Variants in NDUFAB1 observed in about 807,000 individuals in gnomAD.
NDUFAB1 encodes NADH:ubiquinone oxidoreductase subunit AB1, also known as acyl carrier protein, mitochondrial.
NDUFAB1 carries 5 observed loss-of-function variants against 16.1 expected under a neutral mutation model. That is an observed-to-expected ratio of 0.31 (90% CI 0.16 to 0.65). The LOEUF is 0.65. NDUFAB1 is among the 30% of genes least tolerant of loss of function. The pLI is 0.77. For missense variants in NDUFAB1, 187 were observed against 205.3 expected (o/e 0.91, Z 0.54); for synonymous variants, 85 against 78.4 (o/e 1.08, Z -0.44).
intron 3 of NDUFAB1, among the ~76,000 whole-genome samples, chr16:23,583,079 G>A (rs201114259): frequency 6.2e-3 from 744 of 119,098 alleles, no homozygotes; most frequent in South Asian, 9.2e-3. Flanking sequence ...TCGGCCTCCC[G>A]AGGTGCCGGG....
chr16:23,590,111 C>T (rs560159734), intron 1 of NDUFAB1, among the ~76,000 whole-genome samples: 30 of 152,192 alleles, frequency 2.0e-4, no homozygotes, highest in African/African-American at 6.3e-4. Context: ...ATTCTATGTT[C>T]GTACACAACT....
At chr16:23,590,136 C>A (rs1966267002) in intron 1 of NDUFAB1, among the ~76,000 whole-genome samples, 1 of 152,110 alleles carries the variant, frequency 6.6e-6, no homozygotes, top group African/African-American at 2.4e-5. Flanking sequence ...ATGAGGCCAA[C>A]TAGGTTGTCA....
At chr16:23,595,166 T>C (rs1202080642) in intron 1 of NDUFAB1, among the ~76,000 whole-genome samples, 1 of 151,970 alleles carries the variant, frequency 6.6e-6, no homozygotes, top group Non-Finnish European at 1.5e-5. Context: ...GGAGGAGAAT[T>C]GCTTGAACCT....
At chr16:23,584,100 A>G (rs1280317706) in intron 3 of NDUFAB1, among the ~76,000 whole-genome samples, 1 of 151,288 alleles carries the variant, frequency 6.6e-6, no homozygotes, top group East Asian at 1.9e-4. Flanking sequence ...AATCTCAAGT[A>G]CCCAGGGACA....
Position 23,584,390 on chromosome 16 carries a change from C to T in NDUFAB1, c.379+946G>A, listed in dbSNP as rs181178908. On this transcript the variant is annotated intron_variant, in intron 3 of 4. Coordinates refer to ENST00000007516, the MANE Select transcript of NDUFAB1 (RefSeq NM_005003.3). ...GACATTTCATGTAAATGGTATATAA[C>T]GTGTCATCTTCTGTGTCTGGCTTCT... is the stretch of plus-strand genomic sequence containing the variant. Among the ~76,000 whole-genome samples, 9 of 151,320 alleles carry T rather than the reference C, an allele frequency of 5.9e-5. No individual in the cohort carries two copies. The East Asian group carries it at 1.4e-3, about 23-fold the overall frequency.
chr16:23,596,175 G>A lies in NDUFAB1; in HGVS notation c.116C>T (p.Ala39Val). The change falls in exon 1 of 5, where the codon GCG becomes GTG. Residue 39 changes from alanine (A) to valine (V), a missense_variant. Physicochemically the swap from Ala to Val is moderately conservative, Grantham distance 64. Coordinates refer to ENST00000007516, the MANE Select transcript of NDUFAB1 (RefSeq NM_005003.3). ...AGTCCCGAGCCTCGTCTGGGTCCCCGCGGAGCAGAGAGCGGTGCTGAGAGG... is the reference window on the plus strand; with the variant it reads ...AGTCCCGAGCCTCGTCTGGGTCCCCACGGAGCAGAGAGCGGTGCTGAGAGG... The part of the protein sequence containing the change: ...ARPLSTALCS[A>V]GTQTRLGTLQ... The A allele has an allele frequency of 1.9e-6, 3 of 1,611,078 alleles. No homozygotes were observed. The highest frequency in any genetic ancestry group is 2.5e-6 in the Non-Finnish European group (3 of 1,178,954).
At chr16:23,592,545 G>A (rs938948438) in intron 1 of NDUFAB1, among the ~76,000 whole-genome samples, 3 of 151,898 alleles carry the variant, frequency 2.0e-5, no homozygotes, top group African/African-American at 7.3e-5. Context: ...GCTTTTTTTT[G>A]TACAAGTGCT....
rs1358668654 is a variant in NDUFAB1 at position 23,583,587 on chromosome 16, C to A, written c.380-1212G>T. Among the ~76,000 whole-genome samples, 20 of 117,348 alleles carry A rather than the reference C, an allele frequency of 1.7e-4. 3 individuals are homozygous for A. The highest frequency in any genetic ancestry group is 7.2e-4 in the African/African-American group (20 of 27,900). 77.0% of individuals were successfully genotyped at this position (117,348 alleles called of 152,430 possible). On this transcript the variant is annotated intron_variant, in intron 3 of 4. Coordinates refer to ENST00000007516, the MANE Select transcript of NDUFAB1 (RefSeq NM_005003.3). Reference sequence around the variant, plus strand: ...AGGAGCGTCTCTGCCCGGCTGCCCCCTCTGAGAAGTGAGGAGCCCCTCCGC... The same window carrying A: ...AGGAGCGTCTCTGCCCGGCTGCCCCATCTGAGAAGTGAGGAGCCCCTCCGC...
intron 3 of NDUFAB1, 22 bp from the exon 4 acceptor site, chr16:23,582,397 A>C: frequency 6.5e-7 from 1 of 1,534,402 alleles, no homozygotes; most frequent in Non-Finnish European, 8.7e-7. Context: ...ATATACAACA[A>C]TGTGAGAGAG....
At chr16:23,586,133 A>G (rs457194) in intron 2 of NDUFAB1, among the ~76,000 whole-genome samples, 19,689 of 151,746 alleles carry the variant, frequency 0.13, 1,564 homozygotes, top group African/African-American at 0.23. Context: ...TCACCATGTT[A>G]GTCAGGCTGG....
chr16:23,587,921 T>G (rs1966247361), intron 1 of NDUFAB1, among the ~76,000 whole-genome samples: 1 of 152,272 alleles, frequency 6.6e-6, no homozygotes. Flanking sequence ...CCAGCGAGGC[T>G]TGCCTCATGG....
At position 23,596,296 on chromosome 16, in the gene NDUFAB1, C is replaced by T. The variant is rs17525889; in HGVS notation, c.-6G>A. ...GAAAGGACACGAGACGCCATGGCTA[C>T]GCCAACCCAGGATGCACTGCGCCGC... is the stretch of plus-strand genomic sequence containing the variant. On this transcript the variant is annotated 5_prime_UTR_variant, in exon 1 of 5. Transcript: ENST00000007516. 3 of 1,550,950 alleles carry T rather than the reference C, an allele frequency of 1.9e-6. No homozygotes were observed. Among genetic ancestry groups the T allele is most frequent in the Admixed American group, 3.9e-5 (2 of 50,906 alleles).
At chr16:23,583,222 C>G (rs919912990) in intron 3 of NDUFAB1, among the ~76,000 whole-genome samples, 7 of 152,242 alleles carry the variant, frequency 4.6e-5, no homozygotes, top group Admixed American at 4.6e-4. Flanking sequence ...AGATTGCAGC[C>G]TCTGCCTGGC....
chr16:23,589,547 T>C (rs987378803), intron 1 of NDUFAB1, among the ~76,000 whole-genome samples: 1 of 151,730 alleles, frequency 6.6e-6, no homozygotes, highest in Non-Finnish European at 1.5e-5. Flanking sequence ...AAGAAAGGAA[T>C]AAAGAGAAAG....
At chr16:23,592,842 G>A (rs1966292105) in intron 1 of NDUFAB1, among the ~76,000 whole-genome samples, 1 of 152,182 alleles carries the variant, frequency 6.6e-6, no homozygotes, top group Non-Finnish European at 1.5e-5. Context: ...TTTGAGGAGA[G>A]GAAATTTCAC....
Position 23,584,196 on chromosome 16 carries a change from C to A in NDUFAB1, c.379+1140G>T, listed in dbSNP as rs185336711. 3.8e-3 allele frequency among the ~76,000 whole-genome samples: 520 copies of A among 136,592 alleles called. 3 individuals are homozygous for A. Among genetic ancestry groups the A allele is most frequent in the African/African-American group, 0.014 (504 of 36,326 alleles). The allele number at this position is 136,592 out of a possible 152,430, so 89.6% of individuals were successfully genotyped here. ...TGTTTACCTGCTGACCTTCCCTCCA[C>A]TATTGTCCTATGACCCTGCCAAATC... is the stretch of plus-strand genomic sequence containing the variant. On this transcript the variant is annotated intron_variant, in intron 3 of 4. Coordinates refer to ENST00000007516, the MANE Select transcript of NDUFAB1 (RefSeq NM_005003.3).
intron 1 of NDUFAB1, among the ~76,000 whole-genome samples, chr16:23,588,354 C>T (rs1481732886): frequency 6.6e-6 from 1 of 151,934 alleles, no homozygotes; most frequent in Non-Finnish European, 1.5e-5. Context: ...ACTCAGGAGA[C>T]TGAGGAAGGA....
chr16:23,590,868 C>G (rs1394762706), intron 1 of NDUFAB1: 1 of 152,164 alleles, frequency 6.6e-6, no homozygotes, highest in Non-Finnish European at 1.5e-5. Context: ...AACTCCTGGT[C>G]TCAAGTGATC....
intron 1 of NDUFAB1, among the ~76,000 whole-genome samples, chr16:23,588,845 G>C (rs1966254990): frequency 6.6e-6 from 1 of 151,794 alleles, no homozygotes; most frequent in African/African-American, 2.4e-5. Flanking sequence ...GGGCGTGGTG[G>C]TGTGTGCCTG....
Sources: gnomAD v4.1 joint callset for allele counts (sites outside exome capture counted in the v4.1 genomes callset) on GRCh38, gnomAD v4.1.1 for gene constraint, MANE v1.5 for transcripts, NCBI Gene and HGNC (gene_info 2026-07-23, HGNC 2026-07-21) for gene names.